The following SVOP variants were observed in gnomAD, a reference collection of about 807,000 sequenced individuals.
SVOP encodes the protein SV2 related protein.
A neutral mutation model predicts 69.1 loss-of-function variants in SVOP; 17 were observed. The ratio of observed to expected loss-of-function variants is 0.25; its 90% CI spans 0.17 to 0.37. The LOEUF is 0.37. Ranked by LOEUF, SVOP falls within the 10% of genes least tolerant of loss-of-function variation. The pLI is 1.00. For missense variants in SVOP, 435 were observed against 597.5 expected (o/e 0.73, Z 2.84); for synonymous variants, 238 against 238.6 (o/e 1.00, Z 0.02).
chr12:109,008,836 T>C (rs1358769961), intron 1 of SVOP, among the ~76,000 whole-genome samples: 1 of 152,126 alleles, frequency 6.6e-6, no homozygotes, highest in Non-Finnish European at 1.5e-5. Flanking sequence ...ACACACTTAC[T>C]CATTCTTTGA....
rs923242050 is a variant in SVOP at position 109,020,923 on chromosome 12, A to G, written c.-55T>C. The G allele has an allele frequency of 2.8e-6, 2 of 705,382 alleles. No homozygotes were observed. The highest frequency in any genetic ancestry group is 3.5e-5 in the African/African-American group (2 of 56,494). 43.7% of individuals were successfully genotyped at this position (705,382 alleles called of 1,614,324 possible). ...CATGGCCCTTACATGGTAGTGGTGG[A>G]TGACGAGCCCTCCGGTTTTCAGCAC... On this transcript the variant is annotated 5_prime_UTR_variant, in exon 1 of 16. Coordinates refer to ENST00000610966, the MANE Select transcript of SVOP (RefSeq NM_018711.5).
intron 1 of SVOP, among the ~76,000 whole-genome samples, chr12:109,010,874 T>A (rs1021626954): frequency 6.6e-6 from 1 of 151,684 alleles, no homozygotes; most frequent in African/African-American, 2.4e-5. Context: ...AATGTAAACA[T>A]TTTTGAAGTG....
At chr12:108,957,336 G>C (rs895437468) in intron 6 of SVOP, among the ~76,000 whole-genome samples, 1 of 152,066 alleles carries the variant, frequency 6.6e-6, no homozygotes, top group Non-Finnish European at 1.5e-5. Context: ...GCTAATTTTT[G>C]TAATTTTAGT....
At chr12:108,918,282 A>G (rs140953981) in intron 13 of SVOP, among the ~76,000 whole-genome samples, 158 bp from the exon 14 acceptor site, 18 of 152,354 alleles carry the variant, frequency 1.2e-4, no homozygotes, top group Non-Finnish European at 2.4e-4. Flanking sequence ...ATATTTCAGT[A>G]TCATCTTGAC....
At chr12:108,996,947 A>G (rs991895958) in intron 1 of SVOP, among the ~76,000 whole-genome samples, 1 of 151,766 alleles carries the variant, frequency 6.6e-6, no homozygotes, top group African/African-American at 2.4e-5. Flanking sequence ...AAATAAATAG[A>G]GGAGGAGGAG....
At chr12:108,934,299 G>A in intron 10 of SVOP, 28 bp from the exon 11 acceptor site, 2 of 1,567,652 alleles carry the variant, frequency 1.3e-6, no homozygotes, top group Non-Finnish European at 1.7e-6. Flanking sequence ...GAAAGGTAAA[G>A]AAATGATCAG....
At position 109,019,016 on chromosome 12, in the gene SVOP, A is replaced by C. The variant is rs116779737; in HGVS notation, c.35+1818T>G. Among the ~76,000 whole-genome samples the C allele has an allele frequency of 4.7e-3, 721 of 152,300 alleles. 7 individuals are homozygous for C. The highest frequency in any genetic ancestry group is 0.017 in the African/African-American group (686 of 41,564). ...AGTGGCATAGTAAGGATTTGAACCCAAGTATGTCTGATTCAAGAGATAATG... is the reference window on the plus strand; with the variant it reads ...AGTGGCATAGTAAGGATTTGAACCCCAGTATGTCTGATTCAAGAGATAATG... On this transcript the variant is annotated intron_variant, in intron 1 of 15. Coordinates refer to ENST00000610966, the MANE Select transcript of SVOP (RefSeq NM_018711.5).
At chr12:108,944,986 T>C in intron 7 of SVOP, 117 bp downstream of exon 7, 1 of 891,578 alleles carries the variant, frequency 1.1e-6, no homozygotes, top group Non-Finnish European at 1.7e-6. Flanking sequence ...CTTTGCATAT[T>C]GAGTCTGTAA....
At chr12:108,953,483 A>G (rs948879769) in intron 6 of SVOP, among the ~76,000 whole-genome samples, 3 of 152,234 alleles carry the variant, frequency 2.0e-5, no homozygotes, top group Non-Finnish European at 4.4e-5. Context: ...AGAGTACATT[A>G]CAAGGACTTC....
intron 6 of SVOP, among the ~76,000 whole-genome samples, chr12:108,957,743 C>T (rs1015268578): frequency 6.6e-6 from 1 of 152,202 alleles, no homozygotes; most frequent in Non-Finnish European, 1.5e-5. Context: ...ACTCGAATCC[C>T]TTAGGCATGA....
Position 108,961,848 on chromosome 12 carries a change from T to C in SVOP, c.454-801A>G, listed in dbSNP as rs375618226. 7.9e-5 allele frequency among the ~76,000 whole-genome samples: 12 copies of C among 152,338 alleles called. 1 individual carries two copies. The highest frequency in any genetic ancestry group is 2.6e-4 in the African/African-American group (11 of 41,588). On this transcript the variant is annotated intron_variant, in intron 5 of 15. Transcript: ENST00000610966. ...ACGTTTTAAATTTCTCCCTCCTAGT[T>C]AGCACTTTAGAACTGATTTCTTTCT...
chr12:108,943,268 A>G (rs2039903157), intron 7 of SVOP, among the ~76,000 whole-genome samples: 1 of 152,006 alleles, frequency 6.6e-6, no homozygotes, highest in South Asian at 2.1e-4. Context: ...GTGACAGAAA[A>G]ATGTCTAACA....
intron 1 of SVOP, among the ~76,000 whole-genome samples, chr12:108,989,848 C>T (rs1002809658): frequency 6.6e-6 from 1 of 152,264 alleles, no homozygotes; most frequent in Non-Finnish European, 1.5e-5. Context: ...CTTCCTCGAA[C>T]TCCTTGGATA....
In SVOP at chr12:108,976,614, C is replaced by CT. The variant is rs36192710; in HGVS notation, c.381+783dup. Reference sequence around the variant, plus strand: ...TGGCCATTCCTCTCTCTCTCTCTCTCTTTTTTTTTTTTTTAATTTGAGGTG... The same window carrying CT: ...TGGCCATTCCTCTCTCTCTCTCTCTCTTTTTTTTTTTTTTTAATTTGAGGTG... On this transcript the variant is annotated intron_variant, in intron 4 of 15. Coordinates refer to ENST00000610966, the MANE Select transcript of SVOP (RefSeq NM_018711.5). 1.5e-3 allele frequency among the ~76,000 whole-genome samples: 220 copies of CT among 142,436 alleles called. 1 individual carries two copies. The highest frequency in any genetic ancestry group is 2.8e-3 in the Admixed American group (40 of 14,296). The allele number at this position is 142,436 out of a possible 152,430, so 93.4% of individuals were successfully genotyped here. A position where few individuals can be genotyped will look rare whatever the true frequency, so the allele number is the denominator to read the frequency against.
chr12:108,917,945 A>G, intron 14 of SVOP, 98 bp downstream of exon 14: 1 of 1,007,244 alleles, frequency 9.9e-7, no homozygotes, highest in Non-Finnish European at 1.4e-6. Context: ...CGCGCCCACC[A>G]CCTCATTCTT....
chr12:108,964,954 A>C (rs1267317327), intron 5 of SVOP, among the ~76,000 whole-genome samples: 1 of 152,210 alleles, frequency 6.6e-6, no homozygotes, highest in Non-Finnish European at 1.5e-5. Context: ...AGACACTGAC[A>C]TATTTTCTTC....
At chr12:108,935,647 C>T (rs1447217985) in intron 10 of SVOP, among the ~76,000 whole-genome samples, 1 of 152,118 alleles carries the variant, frequency 6.6e-6, no homozygotes. Context: ...TTAATTAGCA[C>T]CTTTGCTAAA....
intron 15 of SVOP, 35 bp downstream of exon 15, chr12:108,915,748 C>G: frequency 6.4e-7 from 1 of 1,562,046 alleles, no homozygotes; most frequent in African/African-American, 1.4e-5. Flanking sequence ...GGTTTTGTCA[C>G]CCCCCATCCC....
intron 4 of SVOP, among the ~76,000 whole-genome samples, 171 bp from the exon 5 acceptor site, chr12:108,972,647 A>G (rs1566060336): frequency 6.6e-6 from 1 of 152,210 alleles, no homozygotes; most frequent in Non-Finnish European, 1.5e-5. Flanking sequence ...CTTCCCAACA[A>G]TCCCATGGGG....
Sources: gnomAD v4.1 joint callset for allele counts (sites outside exome capture counted in the v4.1 genomes callset) on GRCh38, gnomAD v4.1.1 for gene constraint, MANE v1.5 for transcripts, NCBI Gene and HGNC (gene_info 2026-07-23, HGNC 2026-07-21) for gene names.